The following HS6ST2 variants were observed in gnomAD, a reference collection of about 807,000 sequenced individuals.
HS6ST2 encodes the protein heparan sulfate 6-O-sulfotransferase 2.
In HS6ST2, 17 loss-of-function variants were observed where a neutral mutation model predicts 33.0. The observed-to-expected ratio is 0.52, with a 90% CI of 0.35 to 0.77. The LOEUF is 0.77. Ranked by LOEUF, HS6ST2 falls within the 30% of genes least tolerant of loss-of-function variation. HS6ST2 has a pLI of 0.01. For synonymous variants in HS6ST2, 248 were observed against 237.1 expected (o/e 1.05, Z -0.42); for missense variants, 519 against 551.7 (o/e 0.94, Z 0.59).
chrX:132,757,736 T>C (rs1291923399), intron 2 of HS6ST2, among the ~76,000 whole-genome samples: 1 of 112,077 alleles, frequency 8.9e-6, no homozygotes, highest in African/African-American at 3.2e-5. Flanking sequence ...AAAGTCTTTT[T>C]AGACAAACAC....
At chrX:132,829,879 T>C (rs915259674) in intron 2 of HS6ST2, among the ~76,000 whole-genome samples, 3 of 111,802 alleles carry the variant, frequency 2.7e-5, no homozygotes, top group Non-Finnish European at 5.6e-5. Flanking sequence ...GACTTACTTG[T>C]ACTGACAAAA....
chrX:132,678,519 C>G (rs1488072417), intron 3 of HS6ST2, among the ~76,000 whole-genome samples: 1 of 112,699 alleles, frequency 8.9e-6, no homozygotes, highest in African/African-American at 3.2e-5. Context: ...TTGTACTTTT[C>G]TCTTCACGTT....
At chrX:132,664,726 C>G (rs1247425049) in intron 4 of HS6ST2, among the ~76,000 whole-genome samples, 1 of 112,146 alleles carries the variant, frequency 8.9e-6, no homozygotes, top group East Asian at 2.8e-4. Context: ...TTCACTAGTA[C>G]TTGAAAACTG....
At chrX:132,919,909 C>G (rs1194053400) in intron 2 of HS6ST2, among the ~76,000 whole-genome samples, 1 of 112,116 alleles carries the variant, frequency 8.9e-6, no homozygotes, top group Non-Finnish European at 1.9e-5. Context: ...GCACTTCTCT[C>G]CAGAGAGAGC....
intron 4 of HS6ST2, among the ~76,000 whole-genome samples, chrX:132,634,281 A>G (rs939431877): frequency 1.2e-4 from 14 of 112,280 alleles, no homozygotes; most frequent in African/African-American, 4.5e-4. Context: ...TCAGGTTGAC[A>G]TGAAACTGAA....
At chrX:132,734,317 T>C (rs895745978) in intron 2 of HS6ST2, among the ~76,000 whole-genome samples, 3 of 109,184 alleles carry the variant, frequency 2.7e-5, no homozygotes, top group Non-Finnish European at 3.8e-5. Flanking sequence ...CAACACATAC[T>C]TATAGGAATG....
intron 4 of HS6ST2, among the ~76,000 whole-genome samples, chrX:132,651,569 A>G (rs1196850133): frequency 8.9e-6 from 1 of 112,394 alleles, no homozygotes; most frequent in Admixed American, 9.5e-5. Context: ...CTAAAAAAAT[A>G]TGTGGGGCAA....
At chrX:132,915,909 A>G (rs192744977) in intron 2 of HS6ST2, among the ~76,000 whole-genome samples, 1,209 of 101,518 alleles carry the variant, frequency 0.012, 8 homozygotes, top group South Asian at 0.057. Context: ...TTTTTTTTGT[A>G]TTTTTAGTAG....
Position 132,857,083 on chromosome X carries a change from G to A in HS6ST2, c.947+99725C>T, listed in dbSNP as rs770505705. ...TCATTGTGAGCTTGGCACTCAAGAC[G>A]GAAATACAACAGCCATTATCTTTGG... On this transcript the variant is annotated intron_variant, in intron 2 of 4. Coordinates refer to ENST00000370833, the MANE Select transcript of HS6ST2 (RefSeq NM_001394073.1). Among the ~76,000 whole-genome samples the A allele has an allele frequency of 2.7e-5, 3 of 112,249 alleles. No homozygotes were observed. In the East Asian group the frequency reaches 8.4e-4, roughly 31 times the overall value.
At chrX:132,718,207 C>T (rs776739572) in intron 2 of HS6ST2, among the ~76,000 whole-genome samples, 16 of 111,400 alleles carry the variant, frequency 1.4e-4, no homozygotes, top group East Asian at 5.7e-4. Context: ...GAGGCTCAGA[C>T]GGACTTGCAT....
At chrX:132,916,810 T>C (rs2066598194) in intron 2 of HS6ST2, among the ~76,000 whole-genome samples, 1 of 111,713 alleles carries the variant, frequency 9.0e-6, no homozygotes, top group African/African-American at 3.2e-5. Context: ...ACTTTTGAGG[T>C]TGTGGGACTC....
intron 1 of HS6ST2, 85 bp from the exon 2 acceptor site, chrX:132,957,411 C>G: frequency 1.0e-6 from 1 of 1,004,466 alleles, no homozygotes; most frequent in Admixed American, 3.7e-5. Context: ...TCCCCTGGAG[C>G]CGCTGCTGCG....
chrX:132,958,297 C>A lies in HS6ST2; in HGVS notation c.306G>T (p.Arg102Ser). The A allele has an allele frequency of 7.5e-6, 9 of 1,194,701 alleles. No individual in the cohort carries two copies. Among genetic ancestry groups the A allele is most frequent in the Non-Finnish European group, 1.0e-5 (9 of 892,253 alleles). Residue 102 changes from arginine to serine, a missense_variant, in exon 1 of 5, where the codon AGG (arginine) becomes AGT (serine). Arg to Ser is a moderately radical substitution (Grantham distance 110). Coordinates refer to ENST00000370833, the MANE Select transcript of HS6ST2 (RefSeq NM_001394073.1). Reference protein sequence around the residue: ...RGRRRRMHVLRRRWDLGSLCR... With the variant: ...RGRRRRMHVLSRRWDLGSLCR... ...AGAGGGAGCCCAGGTCCCAGCGTCG[C>A]CTGAGGACGTGCATCCGCCTGCGGC...
chrX:132,818,125 A>G (rs1035782670), intron 2 of HS6ST2, among the ~76,000 whole-genome samples: 15 of 110,453 alleles, frequency 1.4e-4, no homozygotes, highest in Non-Finnish European at 2.1e-4. Context: ...TGTGGGAGAG[A>G]CTCCCAAAAG....
intron 2 of HS6ST2, among the ~76,000 whole-genome samples, chrX:132,737,292 G>A (rs1046379199): frequency 3.8e-4 from 42 of 111,706 alleles, no homozygotes; most frequent in African/African-American, 1.3e-3. Flanking sequence ...GAGTCCCTTC[G>A]TGGTAACTCA....
intron 4 of HS6ST2, among the ~76,000 whole-genome samples, chrX:132,654,594 A>C (rs2063717628): frequency 8.9e-6 from 1 of 111,887 alleles, no homozygotes. Context: ...TTATGTATCC[A>C]TTTTTTTTAG....
chrX:132,890,555 T>G (rs1376289328), intron 2 of HS6ST2, among the ~76,000 whole-genome samples: 1 of 109,874 alleles, frequency 9.1e-6, no homozygotes, highest in Non-Finnish European at 1.9e-5. Flanking sequence ...TCAGAATGGT[T>G]TGGTGTGCTC....
chrX:132,807,492 G>A (rs2065295909), intron 2 of HS6ST2, among the ~76,000 whole-genome samples: 2 of 104,215 alleles, frequency 1.9e-5, no homozygotes, highest in Admixed American at 2.0e-4. Context: ...GTCAGGGTAG[G>A]GGAGGAGGAG....
intron 2 of HS6ST2, among the ~76,000 whole-genome samples, chrX:132,740,542 A>G (rs1348079159): frequency 8.9e-6 from 1 of 112,185 alleles, no homozygotes; most frequent in Non-Finnish European, 1.9e-5. Context: ...TGCTTCTTGT[A>G]TAAGAGCTAA....
Sources: gnomAD v4.1 joint callset for allele counts (sites outside exome capture counted in the v4.1 genomes callset) on GRCh38, gnomAD v4.1.1 for gene constraint, MANE v1.5 for transcripts, NCBI Gene and HGNC (gene_info 2026-07-23, HGNC 2026-07-21) for gene names.